ANKRD28: variants seen among roughly 807,000 people sequenced by gnomAD.
ANKRD28 encodes ankyrin repeat domain 28, also known as serine/threonine-protein phosphatase 6 regulatory ankyrin repeat subunit A.
A neutral mutation model predicts 126.5 loss-of-function variants in ANKRD28; 44 were observed. That is an observed-to-expected ratio of 0.35 (90% CI 0.27 to 0.45). ANKRD28 has a LOEUF of 0.45. ANKRD28 is among the 20% of genes least tolerant of loss of function. ANKRD28 has a pLI of 1.00. For missense variants in ANKRD28, 1,110 were observed against 1,316.6 expected (o/e 0.84, Z 2.43); for synonymous variants, 442 against 468.5 (o/e 0.94, Z 0.73).
In ANKRD28 at chr3:15,853,263, T is replaced by A. The variant is rs1428291355; in HGVS notation, c.27+6114A>T. Among the ~76,000 whole-genome samples, 1 of 152,162 alleles carries A rather than the reference T, an allele frequency of 6.6e-6. No individual in the cohort carries two copies. Among genetic ancestry groups the A allele is most frequent in the Non-Finnish European group, 1.5e-5 (1 of 68,028 alleles). The stretch of plus-strand genomic sequence containing the variant: ...GATACATTATTCAAAACAAAAGACC[T>A]AATCCTGAACTATTTCCTCCAGGTA... On this transcript the variant is annotated intron_variant, in intron 1 of 27. Transcript: ENST00000399451. This position sits in a 1 kb window ranked among gnomAD's most constrained non-coding sequence, Gnocchi z 4.2.
At position 15,718,922 on chromosome 3, in the gene ANKRD28, C is replaced by T. The variant is rs1181149279; in HGVS notation, c.996+1993G>A. On this transcript the variant is annotated intron_variant, in intron 8 of 27. Transcript: ENST00000683139. ...GCCTTTGAGGAAAAAACTAACTTTT[C>T]TCCTCACAACTGTCTAGATATTTTT... Among the ~76,000 whole-genome samples the T allele has an allele frequency of 3.3e-5, 5 of 152,170 alleles. No homozygotes were observed. In the East Asian group the frequency reaches 9.6e-4, roughly 29 times the overall value.
At chr3:15,790,518 T>A (rs369463235) in intron 2 of ANKRD28, among the ~76,000 whole-genome samples, 2 of 151,900 alleles carry the variant, frequency 1.3e-5, no homozygotes, top group Non-Finnish European at 2.9e-5. Flanking sequence ...ATATATCATA[T>A]CAAAAAAATA....
chr3:15,859,490 T>C (rs1361727659), exon 1 of ANKRD28: 3 of 1,277,838 alleles, frequency 2.3e-6, no homozygotes, highest in Admixed American at 2.3e-5. Flanking sequence ...CCCGCCCCAG[T>C]AGCCTTGGCC....
At chr3:15,855,230 AGT>A (rs1276397298) in intron 1 of ANKRD28, among the ~76,000 whole-genome samples, 1 of 152,184 alleles carries the variant, frequency 6.6e-6, no homozygotes, top group Non-Finnish European at 1.5e-5. Context: ...TTCCACTCTT[AGT>A]GTGTACTTGA....
chr3:15,685,460 T>A lies in ANKRD28; in HGVS notation c.2170-15A>T, dbSNP rs771952181. 3.1e-6 allele frequency: 5 copies of A among 1,612,300 alleles called. No homozygotes were observed. The highest frequency in any genetic ancestry group is 3.3e-4 in the Middle Eastern group (2 of 6,056). On this transcript the variant is annotated splice_polypyrimidine_tract_variant and intron_variant, in intron 20 of 27. Transcript: ENST00000683139. ...CCTGTAACTGCCTGAAAGAAAATAA[T>A]TTAAAGGTAGTCAAACATATTATGC...
At chr3:15,730,937 G>A (rs546311232) in intron 6 of ANKRD28, among the ~76,000 whole-genome samples, 55 of 152,092 alleles carry the variant, frequency 3.6e-4, no homozygotes, top group Middle Eastern at 3.4e-3. Flanking sequence ...TCTTGGGATC[G>A]AGCTCCTTAA....
intron 3 of ANKRD28, among the ~76,000 whole-genome samples, chr3:15,763,291 A>G (rs759373402): frequency 2.6e-5 from 4 of 152,174 alleles, no homozygotes; most frequent in African/African-American, 9.7e-5. Flanking sequence ...ACTTCTACCC[A>G]TCCCCACCTC....
At chr3:15,818,148 A>G (rs2060871491) in intron 1 of ANKRD28, among the ~76,000 whole-genome samples, 1 of 152,150 alleles carries the variant, frequency 6.6e-6, no homozygotes, top group African/African-American at 2.4e-5. Flanking sequence ...CGTTATCCAC[A>G]GAGGATATAT....
chr3:15,819,325 C>T (rs1334798960), intron 1 of ANKRD28, among the ~76,000 whole-genome samples: 1 of 152,026 alleles, frequency 6.6e-6, no homozygotes, highest in African/African-American at 2.4e-5. Flanking sequence ...TAAGAATAAA[C>T]ATATAGATCC....
At chr3:15,716,179 A>G (rs2073005439) in intron 8 of ANKRD28, among the ~76,000 whole-genome samples, 1 of 150,276 alleles carries the variant, frequency 6.7e-6, no homozygotes, top group African/African-American at 2.5e-5. Flanking sequence ...ATGGGGTTTC[A>G]CCATGTTGGC....
chr3:15,848,688 A>T (rs2061577180), intron 1 of ANKRD28, among the ~76,000 whole-genome samples: 1 of 152,042 alleles, frequency 6.6e-6, no homozygotes, highest in African/African-American at 2.4e-5. Flanking sequence ...AAAAAAAAAA[A>T]TATAGCAGCA....
chr3:15,849,631 G>A (rs1369171152), intron 1 of ANKRD28, among the ~76,000 whole-genome samples: 1 of 152,070 alleles, frequency 6.6e-6, no homozygotes, highest in Non-Finnish European at 1.5e-5. Context: ...AGCTACAATG[G>A]ACCTGAATAA....
intron 2 of ANKRD28, among the ~76,000 whole-genome samples, chr3:15,775,029 A>T (rs151295546): frequency 8.6e-6 from 1 of 115,970 alleles, no homozygotes; most frequent in Non-Finnish European, 1.7e-5. Flanking sequence ...GGTGCCCACC[A>T]CCACGCCTGG....
chr3:15,828,007 A>G (rs1006441872), intron 1 of ANKRD28, among the ~76,000 whole-genome samples: 24 of 152,190 alleles, frequency 1.6e-4, no homozygotes, highest in African/African-American at 5.5e-4. Context: ...TATGCAAACC[A>G]AAGTCATGAA....
intron 6 of ANKRD28, 128 bp from the exon 7 acceptor site, chr3:15,724,652 C>A: frequency 1.1e-6 from 1 of 876,024 alleles, no homozygotes; most frequent in South Asian, 1.9e-5. Flanking sequence ...ATCAATGAAT[C>A]ATGTTAACTT....
intron 3 of ANKRD28, among the ~76,000 whole-genome samples, chr3:15,760,594 A>C (rs1029131675): frequency 6.6e-6 from 1 of 152,226 alleles, no homozygotes; most frequent in Admixed American, 6.5e-5. Context: ...CCAGAAAATA[A>C]GATGAATTCA....
intron 2 of ANKRD28, among the ~76,000 whole-genome samples, chr3:15,788,695 C>T (rs2059892146): frequency 1.3e-5 from 2 of 152,066 alleles, no homozygotes; most frequent in South Asian, 4.1e-4. Context: ...TCAGATTAAC[C>T]TATTTGGGTT....
intron 1 of ANKRD28, among the ~76,000 whole-genome samples, chr3:15,840,486 C>A (rs553736250): frequency 5.9e-5 from 9 of 152,020 alleles, no homozygotes; most frequent in African/African-American, 2.2e-4. Context: ...AGATTTAATG[C>A]AATGCCAATG....
rs1452458994 is a variant in ANKRD28, at chr3:15,769,891, C to A, written c.202-3579G>T. On this transcript the variant is annotated intron_variant, in intron 2 of 27. Coordinates refer to ENST00000683139, the MANE Select transcript of ANKRD28 (RefSeq NM_001349278.2). ...TAGGGGTTTTGCCCTAAGATTATTT[C>A]TTAAGGGTCTAATTTCTCACATCAG... is the stretch of plus-strand genomic sequence containing the variant. Among the ~76,000 whole-genome samples, 5 of 152,162 alleles carry A rather than the reference C, an allele frequency of 3.3e-5. No homozygotes were observed. In the East Asian group the frequency reaches 9.7e-4, roughly 29 times the overall value.
Sources: gnomAD v4.1 joint callset for allele counts (sites outside exome capture counted in the v4.1 genomes callset) on GRCh38, gnomAD v4.1.1 for gene constraint, Gnocchi (gnomAD v3.1) non-coding constraint, MANE v1.5 for transcripts, NCBI Gene and HGNC (gene_info 2026-07-23, HGNC 2026-07-21) for gene names.